The following CSGALNACT1 variants were observed in gnomAD, a reference collection of about 807,000 sequenced individuals.
CSGALNACT1 encodes chondroitin sulfate N-acetylgalactosaminyltransferase 1.
A neutral mutation model predicts 51.0 loss-of-function variants in CSGALNACT1; 52 were observed. The ratio of observed to expected loss-of-function variants is 1.02; its 90% CI spans 0.82 to 1.29. CSGALNACT1 has a LOEUF of 1.29. CSGALNACT1 is among the 50% of genes most tolerant of loss of function. The probability of loss-of-function intolerance (pLI) is 0.00; values close to 1 mark genes in which losing one functional copy is unlikely to be tolerated. For missense variants in CSGALNACT1, 935 were observed against 679.2 expected, an observed-to-expected ratio of 1.38 and a Z score of -4.19; for synonymous variants, 341 against 254.4, an observed-to-expected ratio of 1.34 and a Z score of -3.24.
intron 3 of CSGALNACT1, among the ~76,000 whole-genome samples, chr8:19,508,882 CTT>C (rs1326776027): frequency 6.6e-6 from 1 of 152,092 alleles, no homozygotes; most frequent in African/African-American, 2.4e-5. Context: ...ACTGGAATAT[CTT>C]TTTGTTCTGT....
At chr8:19,684,632 CT>C (rs1564423280), upstream of CSGALNACT1, among the ~76,000 whole-genome samples, 1 of 151,846 alleles carries the variant, frequency 6.6e-6, no homozygotes, top group Non-Finnish European at 1.5e-5. Flanking sequence ...CTCCCTCCCA[CT>C]CCTCCTGGGA....
At chr8:19,702,947 C>G (rs1164259111) in intron 1 of CSGALNACT1, among the ~76,000 whole-genome samples, 1 of 152,184 alleles carries the variant, frequency 6.6e-6, no homozygotes, top group Non-Finnish European at 1.5e-5. Context: ...CCCTACACCC[C>G]TCTTAGCCCC....
intron 3 of CSGALNACT1, among the ~76,000 whole-genome samples, chr8:19,516,052 G>A (rs2079465591): frequency 6.6e-6 from 1 of 152,126 alleles, no homozygotes; most frequent in Admixed American, 6.5e-5. Context: ...GTCTTTTGGG[G>A]CTCTTGGTGC....
At chr8:19,700,383 G>A (rs1446036925) in intron 1 of CSGALNACT1, among the ~76,000 whole-genome samples, 2 of 151,998 alleles carry the variant, frequency 1.3e-5, no homozygotes, top group African/African-American at 2.4e-5. Context: ...AATAAACCTG[G>A]CCCAGTGATC....
intron 3 of CSGALNACT1, among the ~76,000 whole-genome samples, chr8:19,513,462 A>ATATATATATATATT (rs1226907527): frequency 7.1e-6 from 1 of 140,214 alleles, no homozygotes; most frequent in African/African-American, 2.7e-5. Context: ...ATATATATAT[A>ATATATATATATATT]TTTTGTGCCA....
intron 4 of CSGALNACT1, chr8:19,494,981 C>T (rs971352497): frequency 1.3e-5 from 2 of 152,096 alleles, no homozygotes; most frequent in South Asian, 4.1e-4. Context: ...CACCTCAGCT[C>T]CTATATGAGA....
chr8:19,674,128 AAAT>A (rs1194696549), intron 1 of CSGALNACT1, among the ~76,000 whole-genome samples: 4 of 152,166 alleles, frequency 2.6e-5, no homozygotes, highest in African/African-American at 9.7e-5. Context: ...TCTTTACTAA[AAAT>A]ACGAAAAAAG....
intron 6 of CSGALNACT1, among the ~76,000 whole-genome samples, chr8:19,429,973 G>A (rs898982268): frequency 1.3e-5 from 2 of 152,196 alleles, no homozygotes; most frequent in African/African-American, 4.8e-5. Flanking sequence ...GACTAATGAT[G>A]TTGACCATCT....
chr8:19,486,610 T>A (rs1209504408), intron 4 of CSGALNACT1, among the ~76,000 whole-genome samples: 1 of 152,170 alleles, frequency 6.6e-6, no homozygotes, highest in African/African-American at 2.4e-5. Flanking sequence ...GGTATAGGCA[T>A]GGGTGGCCAC....
intron 1 of CSGALNACT1, among the ~76,000 whole-genome samples, chr8:19,743,876 G>C (rs184736537): frequency 1.2e-3 from 180 of 152,106 alleles, no homozygotes; most frequent in African/African-American, 4.1e-3. Context: ...AATCTTTGTA[G>C]CATAATTTCT....
At chr8:19,474,220 G>C (rs111716963) in intron 4 of CSGALNACT1, among the ~76,000 whole-genome samples, 1,740 of 152,070 alleles carry the variant, frequency 0.011, 31 homozygotes, top group African/African-American at 0.039. Flanking sequence ...CTTCAAAAGG[G>C]AAAGAAACCA....
chr8:19,638,272 T>A (rs1160055421), intron 1 of CSGALNACT1, among the ~76,000 whole-genome samples: 2 of 152,144 alleles, frequency 1.3e-5, no homozygotes, highest in East Asian at 1.9e-4. Context: ...CTGCCCTCCC[T>A]GCCTCAACTG....
intron 1 of CSGALNACT1, among the ~76,000 whole-genome samples, chr8:19,692,123 G>T (rs1027779097): frequency 1.3e-5 from 2 of 152,060 alleles, no homozygotes; most frequent in African/African-American, 4.8e-5. Context: ...TCACTATCAC[G>T]AGAACAGCAT....
At chr8:19,566,798 C>G (rs1472932122) in intron 3 of CSGALNACT1, among the ~76,000 whole-genome samples, 1 of 152,106 alleles carries the variant, frequency 6.6e-6, no homozygotes, top group African/African-American at 2.4e-5. Flanking sequence ...AAGAGGATAA[C>G]AACAGGCTAC....
At chr8:19,659,600 T>C (rs1300117261) in intron 1 of CSGALNACT1, among the ~76,000 whole-genome samples, 1 of 152,238 alleles carries the variant, frequency 6.6e-6, no homozygotes, top group African/African-American at 2.4e-5. Flanking sequence ...TCACATAAGT[T>C]ACCACGAAAG....
chr8:19,594,655 T>C (rs1324401226), intron 2 of CSGALNACT1, among the ~76,000 whole-genome samples: 2 of 151,882 alleles, frequency 1.3e-5, no homozygotes, highest in Non-Finnish European at 2.9e-5. Context: ...GCGATTCTCC[T>C]GCCTCAGCTT....
At chr8:19,571,025 C>G (rs550669756) in intron 3 of CSGALNACT1, among the ~76,000 whole-genome samples, 1 of 152,284 alleles carries the variant, frequency 6.6e-6, no homozygotes, top group Admixed American at 6.5e-5. Context: ...GTCACCCAGG[C>G]AGAAGTGCAG....
rs1476619508 is a variant in CSGALNACT1 at position 19,682,326 on chromosome 8, G to A, written c.-544+147C>T. ...GCAATGTGCCCAGAAGGTCTAATCA[G>A]AGTGTTTGCTAATGAGTTGGCAAGC... On this transcript the variant is annotated intron_variant, in intron 1 of 9. Transcript: ENST00000332246. 3 of 287,462 alleles carry A rather than the reference G, an allele frequency of 1.0e-5. No homozygotes were observed. In the Admixed American group the frequency reaches 1.3e-4, roughly 13 times the overall value. The allele number at this position is 287,462 out of a possible 1,614,324, so 17.8% of individuals were successfully genotyped here.
chr8:19,599,502 A>G (rs1003999285), intron 2 of CSGALNACT1, among the ~76,000 whole-genome samples: 3 of 150,508 alleles, frequency 2.0e-5, no homozygotes, highest in African/African-American at 7.4e-5. Flanking sequence ...GAAAGAAAGA[A>G]AGAAAGAAAG....
Sources: allele counts gnomAD v4.1 joint callset (sites outside exome capture counted in the v4.1 genomes callset), GRCh38; gene constraint gnomAD v4.1.1; transcripts MANE v1.5; gene names NCBI Gene and HGNC (gene_info 2026-07-23, HGNC 2026-07-21).